The following DIAPH2 variants were observed in gnomAD, a reference collection of about 807,000 sequenced individuals.
DIAPH2 encodes the protein diaphanous related formin 2.
In DIAPH2, 35 loss-of-function variants were observed where a neutral mutation model predicts 92.7. The ratio of observed to expected loss-of-function variants is 0.38; its 90% CI spans 0.29 to 0.50. The LOEUF is 0.50. DIAPH2 is among the 20% of genes least tolerant of loss of function. DIAPH2 has a pLI of 0.94. For synonymous variants in DIAPH2, 301 were observed against 280.4 expected (o/e 1.07, Z -0.73); for missense variants, 701 against 819.5 (o/e 0.86, Z 1.77).
chrX:96,825,044 C>T (rs891333626), intron 4 of DIAPH2, among the ~76,000 whole-genome samples: 3 of 107,724 alleles, frequency 2.8e-5, no homozygotes, highest in Non-Finnish European at 3.8e-5. Flanking sequence ...CTCCCAGGTT[C>T]AAGTGATTCT....
At chrX:97,435,439 T>C (rs1399487157) in intron 26 of DIAPH2, among the ~76,000 whole-genome samples, 1 of 111,614 alleles carries the variant, frequency 9.0e-6, no homozygotes, top group African/African-American at 3.3e-5. Context: ...GTAATAGAGA[T>C]AGGAACAGTA....
At chrX:97,163,158 C>CTA (rs1473058233) in intron 22 of DIAPH2, among the ~76,000 whole-genome samples, 1 of 110,438 alleles carries the variant, frequency 9.1e-6, no homozygotes, top group Non-Finnish European at 1.9e-5. Context: ...TTTTATCTTT[C>CTA]TATTCTTTTC....
intron 17 of DIAPH2, among the ~76,000 whole-genome samples, chrX:97,066,579 A>G (rs182301222): frequency 1.4e-4 from 16 of 112,438 alleles, no homozygotes; most frequent in Non-Finnish European, 2.8e-4. Context: ...TATTTAAGTT[A>G]CCACTTCAAA....
chrX:97,522,466 T>C (rs1026849652), intron 26 of DIAPH2, among the ~76,000 whole-genome samples: 1 of 112,518 alleles, frequency 8.9e-6, no homozygotes, highest in Non-Finnish European at 1.9e-5. Context: ...TCAAGTTTCA[T>C]AGTGAAAGTG....
chrX:97,489,981 A>G (rs1264820427), intron 26 of DIAPH2, among the ~76,000 whole-genome samples: 1 of 111,728 alleles, frequency 9.0e-6, no homozygotes, highest in African/African-American at 3.2e-5. Flanking sequence ...AGTCTTTAAA[A>G]AGTGTTGGGG....
intron 5 of DIAPH2, among the ~76,000 whole-genome samples, chrX:96,898,123 C>T (rs1354670630): frequency 4.2e-5 from 4 of 95,175 alleles, no homozygotes; most frequent in Admixed American, 1.2e-4. Flanking sequence ...TCCAGTCTAT[C>T]ATTGATGGAC....
rs1014036111 is a variant in DIAPH2 at position 97,211,838 on chromosome X, G to T, written c.2720-35877G>T. On this transcript the variant is annotated intron_variant, in intron 22 of 26. Transcript: ENST00000324765. ...CTGTTGCCTAAGATGTCTTGGGTTC[G>T]AAGGTTCTCACTTTGTTAACTGCCA... Among the ~76,000 whole-genome samples, 3 of 111,762 alleles carry T rather than the reference G, an allele frequency of 2.7e-5. No individual in the cohort carries two copies. The Admixed American group carries it at 2.9e-4, about 11-fold the overall frequency.
intron 4 of DIAPH2, among the ~76,000 whole-genome samples, chrX:96,870,512 G>A (rs2065134458): frequency 9.3e-6 from 1 of 107,168 alleles, no homozygotes; most frequent in Middle Eastern, 4.3e-3. Flanking sequence ...TCCCGACCTC[G>A]TGATCCGCCC....
intron 3 of DIAPH2, among the ~76,000 whole-genome samples, chrX:96,741,640 C>T (rs996841710): frequency 1.8e-5 from 2 of 109,438 alleles, no homozygotes; most frequent in Non-Finnish European, 3.8e-5. Flanking sequence ...ACCACCATAC[C>T]CAGCTAATCA....
intron 22 of DIAPH2, among the ~76,000 whole-genome samples, chrX:97,166,145 C>T (rs1359987470): frequency 9.0e-6 from 1 of 111,372 alleles, no homozygotes; most frequent in Non-Finnish European, 1.9e-5. Flanking sequence ...CCTTATCAAT[C>T]TCAATACAGT....
intron 26 of DIAPH2, among the ~76,000 whole-genome samples, chrX:97,553,683 A>AAAG (rs1276415723): frequency 1.8e-4 from 19 of 106,597 alleles, no homozygotes; most frequent in Non-Finnish European, 3.1e-4. Context: ...AAAAAAAAAA[A>AAAG]AAGAAGAAGA....
In DIAPH2 at chrX:97,333,782, C is replaced by G. The variant is rs375658615; in HGVS notation, c.2845-14334C>G. Among the ~76,000 whole-genome samples, 24 of 110,436 alleles carry G rather than the reference C, an allele frequency of 2.2e-4. No individual in the cohort carries two copies. In the East Asian group the frequency reaches 2.3e-3, roughly 11 times the overall value. ...GTTTCACCATGTTGGCCGGGCTGGT[C>G]TCGAACTCCTGACCTCAGGTGATCC... On this transcript the variant is annotated intron_variant, in intron 23 of 26. Coordinates refer to ENST00000324765, the MANE Select transcript of DIAPH2 (RefSeq NM_006729.5).
At chrX:96,818,267 C>T (rs2064754244) in intron 4 of DIAPH2, among the ~76,000 whole-genome samples, 1 of 109,875 alleles carries the variant, frequency 9.1e-6, no homozygotes, top group Non-Finnish European at 1.9e-5. Flanking sequence ...GTGTGAGCCG[C>T]GGTGCCTGGT....
At chrX:97,566,754 C>G (rs2071330228) in intron 26 of DIAPH2, among the ~76,000 whole-genome samples, 1 of 111,060 alleles carries the variant, frequency 9.0e-6, no homozygotes, top group Non-Finnish European at 1.9e-5. Context: ...ATTGTGATGG[C>G]TAAGCACTAA....
chrX:97,355,027 G>C (rs766356571), intron 24 of DIAPH2, among the ~76,000 whole-genome samples: 3 of 111,984 alleles, frequency 2.7e-5, no homozygotes, highest in Non-Finnish European at 5.6e-5. Flanking sequence ...TAATTCTCAG[G>C]GATGTTCTTC....
intron 26 of DIAPH2, among the ~76,000 whole-genome samples, chrX:97,486,734 T>A (rs1304460621): frequency 1.8e-5 from 2 of 112,354 alleles, no homozygotes; most frequent in Non-Finnish European, 3.8e-5. Flanking sequence ...TTTTCCTTTT[T>A]AAAAATTTGG....
At chrX:97,052,563 G>C (rs1482765849) in intron 17 of DIAPH2, among the ~76,000 whole-genome samples, 2 of 110,714 alleles carry the variant, frequency 1.8e-5, no homozygotes, top group Admixed American at 1.9e-4. Flanking sequence ...GACAGGAGCA[G>C]AGCTGTATTT....
chrX:96,969,860 G>A (rs2065916776), intron 17 of DIAPH2, among the ~76,000 whole-genome samples: 1 of 111,396 alleles, frequency 9.0e-6, no homozygotes, highest in Admixed American at 9.5e-5. Flanking sequence ...TATGATGTTG[G>A]CTGTGGGCTT....
intron 4 of DIAPH2, among the ~76,000 whole-genome samples, chrX:96,860,880 T>TGAC (rs1197508396): frequency 3.6e-5 from 4 of 111,934 alleles, no homozygotes; most frequent in African/African-American, 1.3e-4. Flanking sequence ...GTATGTTAGA[T>TGAC]GACAATGTGA....
Sources: gnomAD v4.1 joint callset for allele counts (sites outside exome capture counted in the v4.1 genomes callset) on GRCh38, gnomAD v4.1.1 for gene constraint, MANE v1.5 for transcripts, NCBI Gene and HGNC (gene_info 2026-07-23, HGNC 2026-07-21) for gene names.